STK4: variants seen among roughly 807,000 people sequenced by gnomAD.
STK4 encodes the protein serine/threonine kinase 4, also known as serine/threonine-protein kinase 4.
A neutral mutation model predicts 64.9 loss-of-function variants in STK4; 30 were observed. The observed-to-expected ratio is 0.46, with a 90% CI of 0.35 to 0.63. The LOEUF is 0.63. Among genes scored for constraint, STK4 ranks in the 20% least tolerant of loss-of-function variants. STK4 has a pLI of 0.01. For missense variants in STK4, 466 were observed against 598.5 expected, an observed-to-expected ratio of 0.78 and a Z score of 2.31; for synonymous variants, 177 against 199.0, an observed-to-expected ratio of 0.89 and a Z score of 0.93.
intron 9 of STK4, among the ~76,000 whole-genome samples, chr20:45,012,634 C>A (rs900744595): frequency 6.6e-6 from 1 of 151,892 alleles, no homozygotes; most frequent in African/African-American, 2.4e-5. Flanking sequence ...TAACATTTTT[C>A]TTCTATAGAC....
At chr20:45,031,485 G>A (rs112808089) in intron 10 of STK4, among the ~76,000 whole-genome samples, 6 of 152,214 alleles carry the variant, frequency 3.9e-5, no homozygotes, top group East Asian at 1.9e-4. Flanking sequence ...GTCAAATTCC[G>A]GCTAAATGCT....
chr20:45,063,424 T>C (rs1264488221), intron 10 of STK4, among the ~76,000 whole-genome samples: 2 of 152,218 alleles, frequency 1.3e-5, no homozygotes, highest in African/African-American at 2.4e-5. Context: ...TCTGCCCACT[T>C]TTTAACAGGA....
intron 2 of STK4, among the ~76,000 whole-genome samples, chr20:44,977,397 C>T (rs1398564613): frequency 1.3e-5 from 2 of 151,234 alleles, no homozygotes; most frequent in African/African-American, 4.9e-5. Flanking sequence ...TTTTTTTCAC[C>T]AAGACAGTGT....
chr20:45,027,877 T>C (rs568106497), intron 10 of STK4, among the ~76,000 whole-genome samples: 1 of 152,330 alleles, frequency 6.6e-6, no homozygotes, highest in East Asian at 1.9e-4. Context: ...TCTGTCTCTG[T>C]CTTATTGTAG....
chr20:44,984,882 A>G (rs754285833), intron 4 of STK4, among the ~76,000 whole-genome samples: 16 of 152,048 alleles, frequency 1.1e-4, no homozygotes, highest in African/African-American at 2.2e-4. Flanking sequence ...GCTGGGCTCA[A>G]GTGATCCTCC....
rs1980749459 is a variant in STK4, at chr20:45,079,299, C to T, written c.*4123C>T. On this transcript the variant is annotated 3_prime_UTR_variant, in exon 11 of 11. Coordinates refer to ENST00000372806, the MANE Select transcript of STK4 (RefSeq NM_006282.5). ...GCTGGGAGATATAGGTATTATTATC[C>T]TCATTTTACAGATGTGAAAATTGAG... 6.6e-6 allele frequency: 1 copy of T among 152,122 alleles called. No individual in the cohort carries two copies. The highest frequency in any genetic ancestry group is 2.4e-5 in the African/African-American group (1 of 41,418). The allele number at this position is 152,122 out of a possible 1,614,324, so 9.4% of individuals were successfully genotyped here. A position where few individuals can be genotyped will look rare whatever the true frequency, so the allele number is the denominator to read the frequency against.
In STK4 at chr20:44,967,195, T is replaced by A. The variant is rs1252040267; in HGVS notation, c.35+592T>A. 9.1e-6 allele frequency: 9 copies of A among 985,384 alleles called. No individual in the cohort carries two copies. The South Asian group carries it at 2.3e-4, about 26-fold the overall frequency. The allele number at this position is 985,384 out of a possible 1,614,324, so 61.0% of individuals were successfully genotyped here. A position where few individuals can be genotyped will look rare whatever the true frequency, so the allele number is the denominator to read the frequency against. On this transcript the variant is annotated intron_variant, in intron 1 of 10. Coordinates refer to ENST00000372806, the MANE Select transcript of STK4 (RefSeq NM_006282.5). ...GTGGTGTCCCCACTGTAGGATGGCATCTTTTATTACTGATGTTCAGTGTCT... is the reference window on the plus strand; with the variant it reads ...GTGGTGTCCCCACTGTAGGATGGCAACTTTTATTACTGATGTTCAGTGTCT...
At position 45,075,016 on chromosome 20, in the gene STK4, A is replaced by G. The variant is rs1218814262; in HGVS notation, c.1306-2A>G. On this transcript the variant is annotated splice_acceptor_variant, in intron 10 of 10. Coordinates refer to ENST00000372806, the MANE Select transcript of STK4 (RefSeq NM_006282.5). LOFTEE classifies it high-confidence loss of function. ...TGACTATACCTTCCACTTCTCTTCT[A>G]GCTTAAGAGTTGGACAGTGGAGGAC... 6.2e-7 allele frequency: 1 copy of G among 1,614,062 alleles called. No individual in the cohort carries two copies. The highest frequency in any genetic ancestry group is 8.5e-7 in the Non-Finnish European group (1 of 1,179,992).
intron 10 of STK4, among the ~76,000 whole-genome samples, chr20:45,047,996 T>C (rs1395916694): frequency 6.6e-6 from 1 of 152,234 alleles, no homozygotes; most frequent in Non-Finnish European, 1.5e-5. Flanking sequence ...CTAATGCGTC[T>C]CTCTCATAGG....
intron 5 of STK4, 95 bp from the exon 6 acceptor site, chr20:44,994,995 T>G: frequency 9.0e-7 from 1 of 1,106,290 alleles, no homozygotes; most frequent in Non-Finnish European, 1.2e-6. Flanking sequence ...CTCAGTAGTT[T>G]TTTTTTTTTT....
intron 4 of STK4, among the ~76,000 whole-genome samples, chr20:44,984,575 A>C (rs2067499432): frequency 1.3e-5 from 2 of 152,096 alleles, no homozygotes; most frequent in Non-Finnish European, 2.9e-5. Context: ...CGTGATATCC[A>C]CTAGCCGCAT....
intron 9 of STK4, among the ~76,000 whole-genome samples, chr20:45,011,478 AAAT>A (rs2145345116): frequency 6.6e-6 from 1 of 152,066 alleles, no homozygotes; most frequent in East Asian, 1.9e-4. Flanking sequence ...GGCAAAGTTC[AAAT>A]AAGAAGTCAG....
chr20:45,001,503 C>A, intron 9 of STK4, 150 bp downstream of exon 9: 1 of 939,202 alleles, frequency 1.1e-6, no homozygotes, highest in Non-Finnish European at 1.5e-6. Flanking sequence ...GCGATGGGGA[C>A]AGGAGGTTTG....
chr20:45,060,023 T>G (rs1978853445), intron 10 of STK4, among the ~76,000 whole-genome samples: 2 of 152,232 alleles, frequency 1.3e-5, no homozygotes. Flanking sequence ...ATTTCTTTAT[T>G]AAATATTTAT....
intron 3 of STK4, 47 bp from the exon 4 acceptor site, chr20:44,981,782 A>T (rs544479594): frequency 2.7e-6 from 3 of 1,114,466 alleles, no homozygotes; most frequent in South Asian, 2.5e-5. Flanking sequence ...GAATTAAGAG[A>T]TATTTGAAGG....
At chr20:44,974,868 T>C (rs1470855193) in intron 2 of STK4, 1 of 152,240 alleles carries the variant, frequency 6.6e-6, no homozygotes, top group East Asian at 1.9e-4. Context: ...TGTTGGATTC[T>C]GGAGGCTGCA....
intron 10 of STK4, among the ~76,000 whole-genome samples, chr20:45,031,830 A>T (rs1600508064): frequency 6.8e-6 from 1 of 147,476 alleles, no homozygotes; most frequent in Non-Finnish European, 1.5e-5. Flanking sequence ...GCTTGAACCC[A>T]GGAGGCGGAG....
chr20:45,065,207 CAT>C (rs1447097278), intron 10 of STK4, among the ~76,000 whole-genome samples: 1 of 151,420 alleles, frequency 6.6e-6, no homozygotes, highest in Non-Finnish European at 1.5e-5. Flanking sequence ...CTGAAGTAAT[CAT>C]GTGGTTTTTG....
At chr20:45,044,728 G>A (rs1480122340) in intron 10 of STK4, among the ~76,000 whole-genome samples, 1 of 152,142 alleles carries the variant, frequency 6.6e-6, no homozygotes, top group African/African-American at 2.4e-5. Context: ...TGAAAATAGG[G>A]AAAACTTGTA....
Sources: gnomAD v4.1 joint callset for allele counts (sites outside exome capture counted in the v4.1 genomes callset) on GRCh38, gnomAD v4.1.1 for gene constraint, MANE v1.5 for transcripts, NCBI Gene and HGNC (gene_info 2026-07-23, HGNC 2026-07-21) for gene names.